The following LY75 variants were observed in gnomAD, a reference collection of about 807,000 sequenced individuals.
LY75 encodes the protein lymphocyte antigen 75.
Under a neutral mutation model 231.7 loss-of-function variants are expected in LY75, and 185 were observed. The observed-to-expected ratio is 0.80, with a 90% CI of 0.71 to 0.90. The LOEUF is 0.90. Among genes scored for constraint, LY75 ranks in the 40% least tolerant of loss-of-function variants. The pLI, the probability that LY75 is intolerant of heterozygous loss-of-function variation, is 0.00. For synonymous variants in LY75, 668 were observed against 689.0 expected, an observed-to-expected ratio of 0.97 and a Z score of 0.48; for missense variants, 1,947 against 2,050.2, an observed-to-expected ratio of 0.95 and a Z score of 0.97.
intron 5 of LY75, 68 bp from the exon 6 acceptor site, chr2:159,885,361 T>C: frequency 6.5e-7 from 1 of 1,538,886 alleles, no homozygotes; most frequent in Non-Finnish European, 8.8e-7. Flanking sequence ...TCAGAAAGAA[T>C]AATTTGTATT....
chr2:159,830,300 G>A (rs2125840227), intron 28 of LY75, among the ~76,000 whole-genome samples: 1 of 152,134 alleles, frequency 6.6e-6, no homozygotes, highest in African/African-American at 2.4e-5. Context: ...CCTACCCCTG[G>A]TTATCATTGT....
chr2:159,857,016 A>G (rs1359809920), intron 16 of LY75, among the ~76,000 whole-genome samples: 1 of 152,328 alleles, frequency 6.6e-6, no homozygotes, highest in Non-Finnish European at 1.5e-5. Flanking sequence ...TCACATTAAC[A>G]CTTCAAAACA....
At chr2:159,811,611 T>A (rs1020616860) in intron 31 of LY75, among the ~76,000 whole-genome samples, 2 of 152,142 alleles carry the variant, frequency 1.3e-5, no homozygotes, top group Non-Finnish European at 2.9e-5. Flanking sequence ...AGTAAAGGCT[T>A]TTTCTGTTTT....
chr2:159,807,018 C>A lies in LY75; in HGVS notation c.4945G>T (p.Glu1649Ter). Residue 1649 changes from glutamate to a stop codon, truncating the protein, a stop_gained, in exon 34 of 35, where the codon GAA becomes TAA. Coordinates refer to ENST00000263636, the MANE Select transcript of LY75 (RefSeq NM_002349.4). LOFTEE classifies it high-confidence loss of function. ...ACTCTTCCAAAACCATGTTCACATT[C>A]AACTTTTTTCCAAGTTTCATTTGAA... ...IASNETWKKV[E>*]CEHGFGRVVC... 1 of 1,613,910 alleles carries A rather than the reference C, an allele frequency of 6.2e-7. No homozygotes were observed. Among genetic ancestry groups the A allele is most frequent in the Non-Finnish European group, 8.5e-7 (1 of 1,179,878 alleles).
In LY75 at chr2:159,879,319, G is replaced by C; in HGVS notation, c.1455C>G (p.Cys485Trp). 2 of 1,613,686 alleles carry C rather than the reference G, an allele frequency of 1.2e-6. No individual in the cohort carries two copies. Among genetic ancestry groups the C allele is most frequent in the Non-Finnish European group, 1.7e-6 (2 of 1,179,870 alleles). ...QSCEEKLKYVCKRKGEKLNDA... is the reference protein window; with the variant it reads ...QSCEEKLKYVWKRKGEKLNDA... The stretch of plus-strand genomic sequence containing the variant: ...CATTCAGTTTTTCTCCCTTTCTCTT[G>C]CATACATATTTTAGTTTCTCCTCAC... Residue 485 changes from cysteine to tryptophan, a missense_variant, in exon 9 of 35, where the codon TGC (cysteine) becomes TGG (tryptophan). Coordinates refer to ENST00000263636, the MANE Select transcript of LY75 (RefSeq NM_002349.4).
intron 1 of LY75, among the ~76,000 whole-genome samples, chr2:159,900,394 C>T (rs1686039093): frequency 6.6e-6 from 1 of 152,206 alleles, no homozygotes; most frequent in Non-Finnish European, 1.5e-5. Context: ...CAGCACAAAT[C>T]ATGTTGATAA....
rs147704581 is a variant in LY75 at position 159,875,168 on chromosome 2, T to C, written c.1974+276A>G. ...GAGGATCATAGGCATAGTGGCAGTATGGCATATAGTACACCAACTTACTGG... is the reference window on the plus strand; with the variant it reads ...GAGGATCATAGGCATAGTGGCAGTACGGCATATAGTACACCAACTTACTGG... On this transcript the variant is annotated intron_variant, in intron 12 of 34. Transcript: ENST00000263636. Among the ~76,000 whole-genome samples, 376 of 151,768 alleles carry C rather than the reference T, an allele frequency of 2.5e-3. 2 individuals carry two copies. Among genetic ancestry groups the C allele is most frequent in the African/African-American group, 8.5e-3 (352 of 41,402 alleles).
intron 17 of LY75, 56 bp downstream of exon 17, chr2:159,854,848 T>G: frequency 1.9e-6 from 3 of 1,598,674 alleles, no homozygotes; most frequent in Non-Finnish European, 2.6e-6. Context: ...ATTAACTAAA[T>G]GCATTAGTGA....
chr2:159,854,553 A>G lies in LY75; in HGVS notation c.2420-18T>C, dbSNP rs2125856640. ...AGCACGGTCTAAAGAAGAAGAAGAA[A>G]AAGATTAGAATTATGACTATGCAAA... On this transcript the variant is annotated intron_variant, in intron 17 of 34. Transcript: ENST00000263636. 6.2e-7 allele frequency: 1 copy of G among 1,608,076 alleles called. No homozygotes were observed. The highest frequency in any genetic ancestry group is 2.2e-5 in the East Asian group (1 of 44,720).
In LY75 at chr2:159,894,003, C is replaced by A; in HGVS notation, c.548G>T (p.Cys183Phe). ...FLIDGTWHHD[C>F]ILDEDHSGPW... is the part of the protein sequence containing the mutation. ...CCCACTATGATCTTCATCAAGAATG[C>A]AATCATGATGCCAGGTCCCATCAAT... Residue 183 changes from cysteine to phenylalanine, a missense_variant, in exon 3 of 35, where the codon TGC becomes TTC. Physicochemically the swap from Cys to Phe is radical, Grantham distance 205. Transcript: ENST00000263636. 2 of 1,613,876 alleles carry A rather than the reference C, an allele frequency of 1.2e-6. No individual in the cohort carries two copies. The highest frequency in any genetic ancestry group is 1.1e-5 in the South Asian group (1 of 91,072).
chr2:159,895,693 T>C (rs150702690), intron 2 of LY75, among the ~76,000 whole-genome samples: 1 of 152,306 alleles, frequency 6.6e-6, no homozygotes, highest in Non-Finnish European at 1.5e-5. Flanking sequence ...TCTTGACCTA[T>C]AAGGACAACT....
At chr2:159,893,623 C>A (rs1415740526) in intron 3 of LY75, among the ~76,000 whole-genome samples, 1 of 152,136 alleles carries the variant, frequency 6.6e-6, no homozygotes, top group Admixed American at 6.5e-5. Flanking sequence ...TAAAGGTCAG[C>A]AGCAATTTCC....
chr2:159,874,976 A>AT (rs765852781), intron 12 of LY75, among the ~76,000 whole-genome samples: 1 of 138,012 alleles, frequency 7.2e-6, no homozygotes, highest in Non-Finnish European at 1.5e-5. Context: ...TAATATATAT[A>AT]TTGTAAATAT....
chr2:159,856,374 A>G (rs1684550517), intron 16 of LY75, among the ~76,000 whole-genome samples: 1 of 152,214 alleles, frequency 6.6e-6, no homozygotes, highest in Non-Finnish European at 1.5e-5. Flanking sequence ...CTTTTAGGGA[A>G]GAGAGGATTA....
chr2:159,840,912 T>A lies in LY75; in HGVS notation c.3324A>T (p.Val1108=). 6.2e-7 allele frequency: 1 copy of A among 1,614,096 alleles called. No homozygotes were observed. The highest frequency in any genetic ancestry group is 8.5e-7 in the Non-Finnish European group (1 of 1,179,974). The change falls in exon 25 of 35, where the codon GTA becomes GTT. Residue 1108 remains valine (V), a synonymous_variant. Coordinates refer to ENST00000263636, the MANE Select transcript of LY75 (RefSeq NM_002349.4). ...RQTLQNASET[V]KYLNNLYKII... is the part of the protein sequence containing the mutation. ...TTTTGTACAGATTATTTAGATACTT[T>A]ACAGTTTCTGAAGCATTCTGCAACG... is the stretch of plus-strand genomic sequence containing the variant.
chr2:159,815,332 C>A, intron 31 of LY75, 73 bp downstream of exon 31: 1 of 1,490,650 alleles, frequency 6.7e-7, no homozygotes. Context: ...AAAAATTCCA[C>A]TGAGCTTTTA....
At position 159,815,409 on chromosome 2, in the gene LY75, T is replaced by A; in HGVS notation, c.4545A>T (p.Thr1515=). The change falls in exon 31 of 35, where the codon ACA becomes ACT. Residue 1515 remains threonine, a synonymous_variant. Coordinates refer to ENST00000263636, the MANE Select transcript of LY75 (RefSeq NM_002349.4). ...TTACTGAAATTGAAGTCTTACATTT[T>A]GTAGGTTTATAACAAATAGCACCAT... ...VKDGAICYKP[T]KSKKLSRLTY... 6.3e-7 allele frequency: 1 copy of A among 1,591,132 alleles called. No individual in the cohort carries two copies. Among genetic ancestry groups the A allele is most frequent in the Non-Finnish European group, 8.5e-7 (1 of 1,172,008 alleles).
At chr2:159,828,369 G>A (rs1255330996) in intron 28 of LY75, among the ~76,000 whole-genome samples, 1 of 151,838 alleles carries the variant, frequency 6.6e-6, no homozygotes, top group Non-Finnish European at 1.5e-5. Flanking sequence ...TTTCCCCAAA[G>A]GTGATATACA....
intron 23 of LY75, among the ~76,000 whole-genome samples, chr2:159,843,929 T>G (rs11886862): frequency 0.047 from 7,182 of 152,224 alleles, 518 homozygotes; most frequent in African/African-American, 0.16. Flanking sequence ...TTGGTACAAT[T>G]ATTATGAGTC....
Sources: allele counts gnomAD v4.1 joint callset (sites outside exome capture counted in the v4.1 genomes callset), GRCh38; gene constraint gnomAD v4.1.1; transcripts MANE v1.5; gene names NCBI Gene and HGNC (gene_info 2026-07-23, HGNC 2026-07-21).